Variants in AMER3 observed in about 807,000 individuals in gnomAD.
AMER3 encodes the protein APC membrane recruitment protein 3.
For missense variants in AMER3, 1,201 were observed against 1,139.4 expected, an observed-to-expected ratio of 1.05 and a Z score of -0.78; for synonymous variants, 541 against 485.5, an observed-to-expected ratio of 1.11 and a Z score of -1.50.
At position 130,763,026 on chromosome 2, in the gene AMER3, T is replaced by C; in HGVS notation, c.954T>C (p.Arg318=). 1 of 1,613,134 alleles carries C rather than the reference T, an allele frequency of 6.2e-7. No individual in the cohort carries two copies. The highest frequency in any genetic ancestry group is 8.5e-7 in the Non-Finnish European group (1 of 1,179,946). ...GGGACAGTGTGAATCGCTCAGTGCGTCAGCAGCAGCGTGCCCTCCTAGGCC... is the reference window on the plus strand; with the variant it reads ...GGGACAGTGTGAATCGCTCAGTGCGCCAGCAGCAGCGTGCCCTCCTAGGCC... ...RFWDSVNRSV[R]QQQRALLGPW... The change falls in exon 2 of 2, where the codon CGT becomes CGC. Residue 318 remains arginine (R), a synonymous_variant. Transcript: ENST00000321420.
At chr2:130,760,250 G>A (rs371709053) in intron 1 of AMER3, among the ~76,000 whole-genome samples, 7 of 152,316 alleles carry the variant, frequency 4.6e-5, no homozygotes, top group Admixed American at 1.3e-4. Flanking sequence ...AGGTGCTTCC[G>A]AGGAAGCACT....
chr2:130,757,384 C>T (rs1678643882), intron 1 of AMER3, among the ~76,000 whole-genome samples: 1 of 152,170 alleles, frequency 6.6e-6, no homozygotes, highest in Non-Finnish European at 1.5e-5. Flanking sequence ...CCTAACTCGC[C>T]TCTGTGTCTC....
chr2:130,766,483 C>CTTTTTTTTT lies in AMER3; in HGVS notation c.*1842_*1850dup, dbSNP rs913069900. 1 of 87,086 alleles carries CTTTTTTTTT rather than the reference C, an allele frequency of 1.1e-5. No homozygotes were observed. Among genetic ancestry groups the CTTTTTTTTT allele is most frequent in the Non-Finnish European group, 2.1e-5 (1 of 46,682 alleles). 5.4% of individuals were successfully genotyped at this position (87,086 alleles called of 1,614,324 possible). A position where few individuals can be genotyped will look rare whatever the true frequency, so the allele number is the denominator to read the frequency against. ...GGCATGGCACCAGCATCTGCTGCTG[C>CTTTTTTTTT]TTTTTTTTTTTTTTTTTTTTTTTTT... On this transcript the variant is annotated 3_prime_UTR_variant, in exon 2 of 2. Transcript: ENST00000321420.
chr2:130,759,512 A>T (rs1377123892), intron 1 of AMER3, among the ~76,000 whole-genome samples: 1 of 152,224 alleles, frequency 6.6e-6, no homozygotes, highest in Non-Finnish European at 1.5e-5. Flanking sequence ...AAACATAGAA[A>T]AGAATAAGGG....
In AMER3 at chr2:130,765,997, A is replaced by C. The variant is rs1678972259; in HGVS notation, c.*1339A>C. On this transcript the variant is annotated 3_prime_UTR_variant, in exon 2 of 2. Transcript: ENST00000321420. ...CCTTGTCAACTTGGCATCCATCCGC[A>C]TCCCCTTAAACCATTTTCAGTCTCC... 1.2e-5 allele frequency: 2 copies of C among 167,096 alleles called. No individual in the cohort carries two copies. Among genetic ancestry groups the C allele is most frequent in the Non-Finnish European group, 2.9e-5 (2 of 68,170 alleles). The allele number at this position is 167,096 out of a possible 1,614,324, so 10.4% of individuals were successfully genotyped here.
chr2:130,760,801 C>G (rs1678753281), intron 1 of AMER3, among the ~76,000 whole-genome samples: 1 of 152,150 alleles, frequency 6.6e-6, no homozygotes, highest in East Asian at 1.9e-4. Flanking sequence ...CACCCCAAGG[C>G]AGCATGTTTA....
rs939161759 is a variant in AMER3 at position 130,763,996 on chromosome 2, CA to C, written c.1925del (p.Gln642ArgfsTer42). On this transcript the variant is annotated frameshift_variant, in exon 2 of 2. Coordinates refer to ENST00000321420, the MANE Select transcript of AMER3 (RefSeq NM_152698.3). LOFTEE classifies it low-confidence loss of function (END_TRUNC). ...APVPSTWPCS[Q>X]KEPGPPGVLG... is the part of the protein sequence containing the mutation. ...AGTTCCTTCTACCTGGCCCTGCTCC[CA>C]GAAGGAGCCTGGGCCACCAGGGGTC... is the stretch of plus-strand genomic sequence containing the variant. 1 of 1,613,248 alleles carries C rather than the reference CA, an allele frequency of 6.2e-7. No individual in the cohort carries two copies. The highest frequency in any genetic ancestry group is 8.5e-7 in the Non-Finnish European group (1 of 1,179,830).
At position 130,765,731 on chromosome 2, in the gene AMER3, G is replaced by C. The variant is rs1014677323; in HGVS notation, c.*1073G>C. 1.2e-5 allele frequency: 2 copies of C among 167,084 alleles called. No homozygotes were observed. The highest frequency in any genetic ancestry group is 2.9e-5 in the Non-Finnish European group (2 of 68,150). The allele number at this position is 167,084 out of a possible 1,614,324, so 10.4% of individuals were successfully genotyped here. ...CTGATGTCAAGGCAGTGGAAGAAAAGCCTGTCCCAGCTCTGAGAGAGAGAC... is the reference window on the plus strand; with the variant it reads ...CTGATGTCAAGGCAGTGGAAGAAAACCCTGTCCCAGCTCTGAGAGAGAGAC... On this transcript the variant is annotated 3_prime_UTR_variant, in exon 2 of 2. Transcript: ENST00000321420.
chr2:130,764,747 A>T lies in AMER3; in HGVS notation c.*89A>T. On this transcript the variant is annotated 3_prime_UTR_variant, in exon 2 of 2. Coordinates refer to ENST00000321420, the MANE Select transcript of AMER3 (RefSeq NM_152698.3). ...CTCAAATCTCTATCTTTTGTCCCTG[A>T]TGTGGGGACTGTGTTGGGGGTGGGG... The T allele has an allele frequency of 6.7e-3, 5,715 of 858,956 alleles. No homozygotes were observed. Among genetic ancestry groups the T allele is most frequent in the Non-Finnish European group, 8.9e-3 (5,171 of 580,454 alleles). 53.2% of individuals were successfully genotyped at this position (858,956 alleles called of 1,614,324 possible).
Position 130,762,789 on chromosome 2 carries a change from C to T in AMER3, c.717C>T (p.Ala239=). Residue 239 remains alanine, a synonymous_variant, in exon 2 of 2, where the codon GCC becomes GCT. Transcript: ENST00000321420. The stretch of plus-strand genomic sequence containing the variant: ...GCAGGGCCCTGTGTGAGGACGTGGC[C>T]TCACTCCAGAGCTTCGACTCGCTCA... ...GLCRALCEDV[A]SLQSFDSLTG... is the part of the protein sequence containing the mutation. 6.2e-7 allele frequency: 1 copy of T among 1,611,478 alleles called. No homozygotes were observed. The highest frequency in any genetic ancestry group is 2.2e-5 in the East Asian group (1 of 44,756).
chr2:130,759,793 T>G (rs1011210270), intron 1 of AMER3, among the ~76,000 whole-genome samples: 2 of 152,234 alleles, frequency 1.3e-5, no homozygotes, highest in Non-Finnish European at 2.9e-5. Context: ...TTAACACCTG[T>G]GTGACTTGGG....
rs986672310 is a variant in AMER3, at chr2:130,764,774, G to C, written c.*116G>C. On this transcript the variant is annotated 3_prime_UTR_variant, in exon 2 of 2. Coordinates refer to ENST00000321420, the MANE Select transcript of AMER3 (RefSeq NM_152698.3). ...GTGGGGACTGTGTTGGGGGTGGGGG[G>C]TGGCAGGACTCAGGCATGCAGAGGG... 2.4e-5 allele frequency: 31 copies of C among 1,281,102 alleles called. No homozygotes were observed. The East Asian group carries it at 7.1e-4, about 29-fold the overall frequency. The allele number at this position is 1,281,102 out of a possible 1,614,324, so 79.4% of individuals were successfully genotyped here. A position where few individuals can be genotyped will look rare whatever the true frequency, so the allele number is the denominator to read the frequency against.
Position 130,762,605 on chromosome 2 carries a change from C to T in AMER3, c.533C>T (p.Ala178Val), listed in dbSNP as rs77687733. 3.0e-5 allele frequency: 48 copies of T among 1,612,462 alleles called. No individual in the cohort carries two copies. The highest frequency in any genetic ancestry group is 6.7e-5 in the East Asian group (3 of 44,862). ...AAGACTGAGGACTTGGCCTCGCTGG[C>T]GGCCGAGGGGAAAAGCCTGCCCTCC... Reference protein sequence around the residue: ...RNKTEDLASLAAEGKSLPSPG... With the variant: ...RNKTEDLASLVAEGKSLPSPG... Residue 178 changes from alanine to valine, a missense_variant, in exon 2 of 2, where the codon GCG becomes GTG. By Grantham distance (64) the Ala-to-Val change is moderately conservative. Transcript: ENST00000321420.
At position 130,764,919 on chromosome 2, in the gene AMER3, C is replaced by T. The variant is rs961864903; in HGVS notation, c.*261C>T. ...CTCATGCAGGGGCTGGAGAGAGGGGCTAGGGCTTGAAACTGAGGGGGAGAA... is the reference window on the plus strand; with the variant it reads ...CTCATGCAGGGGCTGGAGAGAGGGGTTAGGGCTTGAAACTGAGGGGGAGAA... On this transcript the variant is annotated 3_prime_UTR_variant, in exon 2 of 2. Transcript: ENST00000321420. The T allele has an allele frequency of 4.1e-6, 2 of 482,444 alleles. No individual in the cohort carries two copies. Among genetic ancestry groups the T allele is most frequent in the Admixed American group, 3.6e-5 (1 of 27,724 alleles). The allele number at this position is 482,444 out of a possible 1,614,324, so 29.9% of individuals were successfully genotyped here.
In AMER3 at chr2:130,767,732, T is replaced by A. The variant is rs1334476321; in HGVS notation, c.*3074T>A. 6.0e-6 allele frequency: 1 copy of A among 167,170 alleles called. No individual in the cohort carries two copies. The highest frequency in any genetic ancestry group is 2.4e-5 in the African/African-American group (1 of 41,466). The allele number at this position is 167,170 out of a possible 1,614,324, so 10.4% of individuals were successfully genotyped here. On this transcript the variant is annotated 3_prime_UTR_variant, in exon 2 of 2. Coordinates refer to ENST00000321420, the MANE Select transcript of AMER3 (RefSeq NM_152698.3). Reference sequence around the variant, plus strand: ...CGAGCTGGGGGCAAGTTTCACCAGATTCGCTTACCTGATCCTTGCATCAAC... The same window carrying A: ...CGAGCTGGGGGCAAGTTTCACCAGAATCGCTTACCTGATCCTTGCATCAAC...
chr2:130,763,918 A>G lies in AMER3; in HGVS notation c.1846A>G (p.Met616Val), dbSNP rs1678897237. Residue 616 changes from methionine to valine, a missense_variant, in exon 2 of 2, where the codon ATG becomes GTG. By Grantham distance (21) the Met-to-Val change is conservative (BLOSUM62 1). Coordinates refer to ENST00000321420, the MANE Select transcript of AMER3 (RefSeq NM_152698.3). ...TCACTCTGAAGGCTTGTTCTCCTCT[A>G]TGGAGTCTGCAGCCACTTCGACAAC... ...RGHSEGLFSS[M>V]ESAATSTTDT... 1.2e-6 allele frequency: 2 copies of G among 1,613,650 alleles called. No individual in the cohort carries two copies. Among genetic ancestry groups the G allele is most frequent in the Non-Finnish European group, 1.7e-6 (2 of 1,180,010 alleles).
chr2:130,756,033 GA>G (rs1483882838), intron 1 of AMER3, among the ~76,000 whole-genome samples: 1 of 152,114 alleles, frequency 6.6e-6, no homozygotes, highest in Non-Finnish European at 1.5e-5. Context: ...CAGAAACAGA[GA>G]CGGGGCGATA....
At position 130,762,706 on chromosome 2, in the gene AMER3, G is replaced by A. The variant is rs201458012; in HGVS notation, c.634G>A (p.Gly212Ser). ...LPPGEGPGLD[G>S]LCQDLLDSEL... is the part of the protein sequence containing the mutation. ...CCCGGGTGAGGGGCCGGGGCTGGAC[G>A]GCCTGTGCCAGGACCTGTTGGACAG... Residue 212 changes from glycine to serine, a missense_variant, in exon 2 of 2, where the codon GGC (glycine) becomes AGC (serine). Gly to Ser is a moderately conservative substitution (Grantham distance 56). Transcript: ENST00000321420. The A allele has an allele frequency of 7.4e-6, 12 of 1,611,736 alleles. No homozygotes were observed. Among genetic ancestry groups the A allele is most frequent in the Middle Eastern group, 3.3e-4 (2 of 6,058 alleles).
Position 130,767,673 on chromosome 2 carries a change from ACT to A in AMER3, c.*3017_*3018del, listed in dbSNP as rs1203972977. ...GCCACATCTGAGCCCTCCTCCCAAG[ACT>A]CACACACAGGACCACAGCAGCATCA... On this transcript the variant is annotated 3_prime_UTR_variant, in exon 2 of 2. Transcript: ENST00000321420. The A allele has an allele frequency of 6.0e-6, 1 of 167,000 alleles. No individual in the cohort carries two copies. The highest frequency in any genetic ancestry group is 2.4e-5 in the African/African-American group (1 of 41,352). 10.3% of individuals were successfully genotyped at this position (167,000 alleles called of 1,614,324 possible). A position where few individuals can be genotyped will look rare whatever the true frequency, so the allele number is the denominator to read the frequency against.
Sources: allele counts gnomAD v4.1 joint callset (sites outside exome capture counted in the v4.1 genomes callset), GRCh38; gene constraint gnomAD v4.1.1; transcripts MANE v1.5; gene names NCBI Gene and HGNC (gene_info 2026-07-23, HGNC 2026-07-21).